Variants in GALNT13 observed in about 807,000 individuals in gnomAD.
GALNT13 encodes polypeptide N-acetylgalactosaminyltransferase 13.
GALNT13 carries 28 observed loss-of-function variants against 64.2 expected under a neutral mutation model. The ratio of observed to expected loss-of-function variants is 0.44; its 90% confidence interval spans 0.32 to 0.60. GALNT13 has a LOEUF of 0.60. Among genes scored for constraint, GALNT13 ranks in the 20% least tolerant of loss-of-function variants. The probability of loss-of-function intolerance (pLI) is 0.05; values close to 1 mark genes in which losing one functional copy is unlikely to be tolerated. For missense variants in GALNT13, 577 were observed against 669.8 expected (o/e 0.86, Z 1.53); for synonymous variants, 214 against 224.6 (o/e 0.95, Z 0.42).
chr2:153,951,449 G>A (rs1692176838), intron 3 of GALNT13, among the ~76,000 whole-genome samples: 1 of 152,144 alleles, frequency 6.6e-6, no homozygotes, highest in African/African-American at 2.4e-5. Flanking sequence ...TCTGCTTAGA[G>A]CAAAATAGTG....
chr2:153,730,976 A>C, the GALNT13 span, among the ~76,000 whole-genome samples: 1 of 151,762 alleles, frequency 6.6e-6, no homozygotes, highest in Non-Finnish European at 1.5e-5. Flanking sequence ...CTGCATTCAC[A>C]CATTTATTGC....
the GALNT13 span, among the ~76,000 whole-genome samples, chr2:153,287,168 G>T: frequency 6.6e-6 from 1 of 152,178 alleles, no homozygotes; most frequent in Admixed American, 6.5e-5. Context: ...TCACTCGCAG[G>T]CACGCGATGG....
chr2:153,826,422 A>G, the GALNT13 span, among the ~76,000 whole-genome samples: 15 of 152,186 alleles, frequency 9.9e-5, no homozygotes, highest in Admixed American at 2.6e-4. Flanking sequence ...CTCATTGTGG[A>G]TTAAGTTTTA....
At chr2:153,909,239 T>G (rs1688784284) in intron 2 of GALNT13, among the ~76,000 whole-genome samples, 1 of 152,090 alleles carries the variant, frequency 6.6e-6, no homozygotes, top group South Asian at 2.1e-4. Context: ...TTTTGTACAT[T>G]TTTTGCTAGT....
chr2:153,946,452 TA>T lies in GALNT13; in HGVS notation c.142+1820del, dbSNP rs1338279400. Among the ~76,000 whole-genome samples, 5 of 152,202 alleles carry T rather than the reference TA, an allele frequency of 3.3e-5. No individual in the cohort carries two copies. The East Asian group carries it at 9.6e-4, about 29-fold the overall frequency. On this transcript the variant is annotated intron_variant, in intron 3 of 12. Transcript: ENST00000392825. Reference sequence around the variant, plus strand: ...TGTTATTTTACTTCATTCAGGTTGTTAAAAAAATATAGACTTGGTGGCTAAC... The same window carrying T: ...TGTTATTTTACTTCATTCAGGTTGTTAAAAAATATAGACTTGGTGGCTAAC...
chr2:154,086,142 GTATA>G (rs1440813372), intron 3 of GALNT13, among the ~76,000 whole-genome samples: 2 of 147,728 alleles, frequency 1.4e-5, no homozygotes, highest in Non-Finnish European at 3.0e-5. Flanking sequence ...ATATAATAAA[GTATA>G]TATTATATAG....
chr2:154,094,106 T>C (rs532012295), intron 3 of GALNT13, among the ~76,000 whole-genome samples: 1 of 151,972 alleles, frequency 6.6e-6, no homozygotes, highest in African/African-American at 2.4e-5. Context: ...TTTATGCAGA[T>C]AAGTTGTTAT....
chr2:153,090,740 G>T, the GALNT13 span, among the ~76,000 whole-genome samples: 2 of 152,150 alleles, frequency 1.3e-5, no homozygotes, highest in Admixed American at 1.3e-4. Flanking sequence ...ACCATCAAGT[G>T]GGGGCAGGGT....
At chr2:153,953,576 C>T (rs1272126124) in intron 3 of GALNT13, among the ~76,000 whole-genome samples, 3 of 152,054 alleles carry the variant, frequency 2.0e-5, no homozygotes, top group South Asian at 2.1e-4. Flanking sequence ...CAGTAAATAC[C>T]GGTTTGCATT....
At chr2:153,408,420 G>T in the GALNT13 span, among the ~76,000 whole-genome samples, 1 of 152,096 alleles carries the variant, frequency 6.6e-6, no homozygotes, top group East Asian at 1.9e-4. Context: ...CCACGAAGAA[G>T]TATAGAAGGA....
chr2:154,221,429 G>A (rs569055627), intron 4 of GALNT13, among the ~76,000 whole-genome samples: 2 of 151,970 alleles, frequency 1.3e-5, no homozygotes, highest in African/African-American at 2.4e-5. Context: ...TAATTACATT[G>A]TTTTGTTTTG....
chr2:153,380,588 C>T, the GALNT13 span, among the ~76,000 whole-genome samples: 2 of 151,774 alleles, frequency 1.3e-5, no homozygotes, highest in African/African-American at 2.4e-5. Context: ...GGTGGGGGGT[C>T]CTGGAAACAA....
At chr2:153,955,930 T>A (rs1692535360) in intron 3 of GALNT13, among the ~76,000 whole-genome samples, 1 of 152,160 alleles carries the variant, frequency 6.6e-6, no homozygotes, top group Non-Finnish European at 1.5e-5. Flanking sequence ...CACACTACCG[T>A]AGCATTGGTA....
intron 3 of GALNT13, among the ~76,000 whole-genome samples, chr2:154,061,745 A>ATT (rs72543977): frequency 2.6e-5 from 4 of 150,988 alleles, no homozygotes; most frequent in East Asian, 1.9e-4. Context: ...TCAACATGGA[A>ATT]TTTTTTTATT....
chr2:153,868,620 T>C (rs939013133), upstream of GALNT13, among the ~76,000 whole-genome samples: 2 of 152,224 alleles, frequency 1.3e-5, no homozygotes, highest in Non-Finnish European at 2.9e-5. Context: ...TCACCCTTTA[T>C]TTCCCTTTAG....
chr2:153,809,862 G>C, the GALNT13 span, among the ~76,000 whole-genome samples: 1 of 151,968 alleles, frequency 6.6e-6, no homozygotes, highest in African/African-American at 2.4e-5. Context: ...CAAGGATTTT[G>C]TCTCTCAACC....
chr2:153,457,369 G>C, the GALNT13 span, among the ~76,000 whole-genome samples: 6 of 152,138 alleles, frequency 3.9e-5, no homozygotes, highest in Admixed American at 3.3e-4. Context: ...GCTAATAAAA[G>C]TATTTAACTA....
At chr2:153,929,371 CG>C (rs1369865141) in intron 2 of GALNT13, among the ~76,000 whole-genome samples, 2 of 151,928 alleles carry the variant, frequency 1.3e-5, no homozygotes, top group Non-Finnish European at 2.9e-5. Context: ...TTTAGGTTTA[CG>C]GGGGCAGGTG....
the GALNT13 span, among the ~76,000 whole-genome samples, chr2:153,604,604 G>A: frequency 1.3e-5 from 2 of 151,802 alleles, no homozygotes; most frequent in East Asian, 3.9e-4. Context: ...CTTATTAGTT[G>A]GATTATATGT....
Sources: allele counts gnomAD v4.1 joint callset (sites outside exome capture counted in the v4.1 genomes callset), GRCh38; gene constraint gnomAD v4.1.1; transcripts MANE v1.5; gene names NCBI Gene and HGNC (gene_info 2026-07-23, HGNC 2026-07-21).